The following RBM15B variants were observed in gnomAD, a reference collection of about 807,000 sequenced individuals.
RBM15B encodes RNA binding motif protein 15B.
Under a neutral mutation model 53.3 loss-of-function variants are expected in RBM15B, and 11 were observed. That is an observed-to-expected ratio of 0.21 (90% CI 0.13 to 0.34). RBM15B has a LOEUF of 0.34. Ranked by LOEUF, RBM15B falls within the 10% of genes least tolerant of loss-of-function variation. The pLI is 1.00. For missense variants in RBM15B, 1,136 were observed against 1,250.3 expected (o/e 0.91, Z 1.38); for synonymous variants, 631 against 540.7 (o/e 1.17, Z -2.32).
In RBM15B at chr3:51,393,456, G is replaced by T; in HGVS notation, c.2057G>T (p.Arg686Leu). ...GGGAAGAAGGCAAGAGACAGCGAGC[G>T]CAATCACCGGACCACAGAGGCCGAG... ...SHGKKARDSE[R>L]NHRTTEAEPK... The change falls in exon 1 of 1, where the codon CGC becomes CTC. Residue 686 changes from arginine (R) to leucine (L), a missense_variant. Coordinates refer to ENST00000563281, the MANE Select transcript of RBM15B (RefSeq NM_013286.5). This position sits in a 1 kb window ranked among gnomAD's most constrained non-coding sequence, Gnocchi z 5.6. 2 of 1,613,852 alleles carry T rather than the reference G, an allele frequency of 1.2e-6. No individual in the cohort carries two copies. The highest frequency in any genetic ancestry group is 2.2e-5 in the East Asian group (1 of 44,874).
At position 51,396,123 on chromosome 3, in the gene RBM15B, TCTC is replaced by T. The variant is rs2089186712; in HGVS notation, c.*2052_*2054del. The T allele has an allele frequency of 1.2e-5, 5 of 406,840 alleles. No homozygotes were observed. Among genetic ancestry groups the T allele is most frequent in the Non-Finnish European group, 1.8e-5 (4 of 222,544 alleles). 25.2% of individuals were successfully genotyped at this position (406,840 alleles called of 1,614,324 possible). A position where few individuals can be genotyped will look rare whatever the true frequency, so the allele number is the denominator to read the frequency against. On this transcript the variant is annotated 3_prime_UTR_variant, in exon 1 of 1. Transcript: ENST00000563281. Reference sequence around the variant, plus strand: ...GTATGTTGTTAAGTCCAAAACTTCTTCTCTGGGCTACCTATCTTCCTTCATGAA... The same window carrying T: ...GTATGTTGTTAAGTCCAAAACTTCTTTGGGCTACCTATCTTCCTTCATGAA...
At position 51,392,933 on chromosome 3, in the gene RBM15B, C is replaced by T. The variant is rs1553621848; in HGVS notation, c.1534C>T (p.Leu512=). 3.7e-6 allele frequency: 6 copies of T among 1,613,850 alleles called. No homozygotes were observed. The highest frequency in any genetic ancestry group is 2.2e-5 in the South Asian group (2 of 91,084). Residue 512 remains leucine, a synonymous_variant, in exon 1 of 1, where the codon CTG becomes TTG. Transcript: ENST00000563281. This position sits in a 1 kb window ranked among gnomAD's most constrained non-coding sequence, Gnocchi z 7.5. ...QPSPLPVHYE[L]LTDGYTRHRN... is the part of the protein sequence containing the mutation. Reference sequence around the variant, plus strand: ...CTCGCCACTCCCTGTGCATTATGAGCTGCTCACAGATGGATACACCCGGCA... The same window carrying T: ...CTCGCCACTCCCTGTGCATTATGAGTTGCTCACAGATGGATACACCCGGCA...
rs57831708 is a variant in RBM15B at position 51,395,416 on chromosome 3, C to T, written c.*1344C>T. The T allele has an allele frequency of 0.1, 18,473 of 181,046 alleles. 2,035 individuals carry two copies. The highest frequency in any genetic ancestry group is 0.33 in the East Asian group (2,047 of 6,214). The allele number at this position is 181,046 out of a possible 1,614,324, so 11.2% of individuals were successfully genotyped here. ...CTAGCTGGGAAGAAGGGTGAGATTC[C>T]GTCTTCTTCCCTGTCTCAAGTAAGT... On this transcript the variant is annotated 3_prime_UTR_variant, in exon 1 of 1. Transcript: ENST00000563281.
rs782481793 is a variant in RBM15B, at chr3:51,392,275, T to C, written c.876T>C (p.Ala292=). The C allele has an allele frequency of 1.6e-5, 26 of 1,603,856 alleles. No homozygotes were observed. Among genetic ancestry groups the C allele is most frequent in the Non-Finnish European group, 2.0e-5 (23 of 1,177,820 alleles). Residue 292 remains alanine (A), a synonymous_variant, in exon 1 of 1, where the codon GCT becomes GCC. Transcript: ENST00000563281. This position sits in a 1 kb window ranked among gnomAD's most constrained non-coding sequence, Gnocchi z 7.5. The stretch of plus-strand genomic sequence containing the variant: ...CAGCCTTCGCCCTGGATGCCGCTGC[T>C]GCCGCCGCCGTGGGACTGTCCCGGG... ...AAAAFALDAA[A]AAAVGLSRER...
At position 51,394,824 on chromosome 3, in the gene RBM15B, A is replaced by T; in HGVS notation, c.*752A>T. 1 of 167,126 alleles carries T rather than the reference A, an allele frequency of 6.0e-6. No individual in the cohort carries two copies. The highest frequency in any genetic ancestry group is 1.5e-5 in the Non-Finnish European group (1 of 68,154). The allele number at this position is 167,126 out of a possible 1,614,324, so 10.4% of individuals were successfully genotyped here. On this transcript the variant is annotated 3_prime_UTR_variant, in exon 1 of 1. Transcript: ENST00000563281. ...AGCTGTGTAGTCTTGTACAAGGAGA[A>T]GCTGTGCACTGTTGATGCCAGGGGG... is the stretch of plus-strand genomic sequence containing the variant.
At position 51,392,057 on chromosome 3, in the gene RBM15B, C is replaced by A; in HGVS notation, c.658C>A (p.Arg220Ser). 6.3e-7 allele frequency: 1 copy of A among 1,591,442 alleles called. No homozygotes were observed. The highest frequency in any genetic ancestry group is 8.5e-7 in the Non-Finnish European group (1 of 1,176,250). ...GCTCAAGGTAGAGCCCGTGTACCTG[C>A]GTGGCGGCGGCGGGAGCAGTCGGCG... ...RPLKVEPVYL[R>S]GGGGSSRRSS... is the part of the protein sequence containing the mutation. The change falls in exon 1 of 1, where the codon CGT (arginine) becomes AGT (serine). Residue 220 changes from arginine to serine, a missense_variant. Arg to Ser is a moderately radical substitution (Grantham distance 110). Coordinates refer to ENST00000563281, the MANE Select transcript of RBM15B (RefSeq NM_013286.5). This position sits in a 1 kb window ranked among gnomAD's most constrained non-coding sequence, Gnocchi z 7.5.
rs1354952651 is a variant in RBM15B at position 51,397,014 on chromosome 3, A to G, written c.*2942A>G. 1 of 167,092 alleles carries G rather than the reference A, an allele frequency of 6.0e-6. No homozygotes were observed. The highest frequency in any genetic ancestry group is 1.5e-5 in the Non-Finnish European group (1 of 68,124). 10.4% of individuals were successfully genotyped at this position (167,092 alleles called of 1,614,324 possible). On this transcript the variant is annotated 3_prime_UTR_variant, in exon 1 of 1. Coordinates refer to ENST00000563281, the MANE Select transcript of RBM15B (RefSeq NM_013286.5). ...GACACAGACCCACTTCAGTGTGTAC[A>G]GCAAATTCTATAGTGCTTCTGAGCC... is the stretch of plus-strand genomic sequence containing the variant.
chr3:51,393,979 C>A lies in RBM15B; in HGVS notation c.2580C>A (p.Asp860Glu). 1 of 1,513,588 alleles carries A rather than the reference C, an allele frequency of 6.6e-7. No homozygotes were observed. The highest frequency in any genetic ancestry group is 8.8e-7 in the Non-Finnish European group (1 of 1,131,712). The allele number at this position is 1,513,588 out of a possible 1,614,324, so 93.8% of individuals were successfully genotyped here. Residue 860 changes from aspartate to glutamate, a missense_variant, in exon 1 of 1, where the codon GAC becomes GAA. By Grantham distance (45) the Asp-to-Glu change is conservative. This residue lies in a region of RBM15B where 578 missense variants were observed against 581.6 expected (regional missense o/e 0.99). Coordinates refer to ENST00000563281, the MANE Select transcript of RBM15B (RefSeq NM_013286.5). The surrounding 1 kb of genome is among the most constrained non-coding windows in gnomAD (Gnocchi z 5.6). ...TGMLYAFPPC[D>E]FSQQYLQSAL... ...TGCTCTACGCCTTCCCACCCTGCGA[C>A]TTTTCCCAGCAGTACCTCCAGTCAG...
chr3:51,397,343 G>C lies in RBM15B; in HGVS notation c.*3271G>C, dbSNP rs146765417. On this transcript the variant is annotated 3_prime_UTR_variant, in exon 1 of 1. Coordinates refer to ENST00000563281, the MANE Select transcript of RBM15B (RefSeq NM_013286.5). ...TAGGCCAATTTTAGGGGCCTCTGAA[G>C]TATCTTTCTACAAACGCAGACAAGC... The C allele has an allele frequency of 1.8e-5, 3 of 167,080 alleles. No homozygotes were observed. Among genetic ancestry groups the C allele is most frequent in the Non-Finnish European group, 4.4e-5 (3 of 68,138 alleles). 10.3% of individuals were successfully genotyped at this position (167,080 alleles called of 1,614,324 possible).
Position 51,393,494 on chromosome 3 carries a change from G to A in RBM15B, c.2095G>A (p.Glu699Lys), listed in dbSNP as rs782573179. The A allele has an allele frequency of 3.7e-6, 6 of 1,614,086 alleles. No individual in the cohort carries two copies. The highest frequency in any genetic ancestry group is 5.1e-6 in the Non-Finnish European group (6 of 1,180,008). ...CACAGAGGCCGAGCCCAAGCCTCTGGAAGAGCCAAAACACGAGACCAAAAA... is the reference window on the plus strand; with the variant it reads ...CACAGAGGCCGAGCCCAAGCCTCTGAAAGAGCCAAAACACGAGACCAAAAA... ...RTTEAEPKPL[E>K]EPKHETKKLK... Residue 699 changes from glutamate (E) to lysine (K), a missense_variant, in exon 1 of 1, where the codon GAA (glutamate) becomes AAA (lysine). Physicochemically the swap from Glu to Lys is moderately conservative, Grantham distance 56. Around this residue, in one of 7 missense-constraint regions of RBM15B, gnomAD observed 578 missense variants for 581.6 expected, o/e 0.99. Coordinates refer to ENST00000563281, the MANE Select transcript of RBM15B (RefSeq NM_013286.5). This position sits in a 1 kb window ranked among gnomAD's most constrained non-coding sequence, Gnocchi z 5.6.
At position 51,393,467 on chromosome 3, in the gene RBM15B, A is replaced by G. The variant is rs782712843; in HGVS notation, c.2068A>G (p.Thr690Ala). ...KARDSERNHR[T>A]TEAEPKPLEE... ...AAGAGACAGCGAGCGCAATCACCGGACCACAGAGGCCGAGCCCAAGCCTCT... is the reference window on the plus strand; with the variant it reads ...AAGAGACAGCGAGCGCAATCACCGGGCCACAGAGGCCGAGCCCAAGCCTCT... The change falls in exon 1 of 1, where the codon ACC becomes GCC. Residue 690 changes from threonine (T) to alanine (A), a missense_variant. Thr to Ala is a moderately conservative substitution (Grantham distance 58). Transcript: ENST00000563281. This position sits in a 1 kb window ranked among gnomAD's most constrained non-coding sequence, Gnocchi z 5.6. 15 of 1,613,918 alleles carry G rather than the reference A, an allele frequency of 9.3e-6. No homozygotes were observed. The South Asian group carries it at 1.6e-4, about 18-fold the overall frequency.
chr3:51,396,504 T>G lies in RBM15B; in HGVS notation c.*2432T>G. 1 of 135,210 alleles carries G rather than the reference T, an allele frequency of 7.4e-6. No individual in the cohort carries two copies. 8.4% of individuals were successfully genotyped at this position (135,210 alleles called of 1,614,324 possible). ...TATGAGACTGCCCCACTGAGAAAAC[T>G]TACTTACTTCAGGCATCCAGTGCCC... On this transcript the variant is annotated 3_prime_UTR_variant, in exon 1 of 1. Transcript: ENST00000563281.
chr3:51,394,973 T>TA lies in RBM15B; in HGVS notation c.*902dup, dbSNP rs2089124070. The TA allele has an allele frequency of 6.0e-6, 1 of 167,124 alleles. No homozygotes were observed. Among genetic ancestry groups the TA allele is most frequent in the Middle Eastern group, 3.1e-3 (1 of 318 alleles). The allele number at this position is 167,124 out of a possible 1,614,324, so 10.4% of individuals were successfully genotyped here. On this transcript the variant is annotated 3_prime_UTR_variant, in exon 1 of 1. Coordinates refer to ENST00000563281, the MANE Select transcript of RBM15B (RefSeq NM_013286.5). ...GTTCCCAGGGGCCCGGGAGTCCAAA[T>TA]ACTGGAATGGAGGGTTGGAGGCAGC...
chr3:51,393,223 T>G lies in RBM15B; in HGVS notation c.1824T>G (p.His608Gln). 6.2e-7 allele frequency: 1 copy of G among 1,613,772 alleles called. No individual in the cohort carries two copies. The highest frequency in any genetic ancestry group is 8.5e-7 in the Non-Finnish European group (1 of 1,179,840). Residue 608 changes from histidine to glutamine, a missense_variant, in exon 1 of 1, where the codon CAT (histidine) becomes CAG (glutamine). Physicochemically the swap from His to Gln is conservative, Grantham distance 24. Around this residue, in one of 7 missense-constraint regions of RBM15B, gnomAD observed 578 missense variants for 581.6 expected, o/e 0.99. Coordinates refer to ENST00000563281, the MANE Select transcript of RBM15B (RefSeq NM_013286.5). This position sits in a 1 kb window ranked among gnomAD's most constrained non-coding sequence, Gnocchi z 5.6. ...CCAGTGACCGTGGGAGGACAACCCA[T>G]TCACCATATGAGGAACGGAGTAGGA... ...SLSSDRGRTT[H>Q]SPYEERSRTK...
In RBM15B at chr3:51,392,742, A is replaced by G; in HGVS notation, c.1343A>G (p.Asp448Gly). ...FDRFGSIRTIDHVKGDSFAYI... is the reference protein window; with the variant it reads ...FDRFGSIRTIGHVKGDSFAYI... Reference sequence around the variant, plus strand: ...CGCTTTGGGAGCATTCGGACCATTGATCACGTCAAAGGAGATAGCTTTGCC... The same window carrying G: ...CGCTTTGGGAGCATTCGGACCATTGGTCACGTCAAAGGAGATAGCTTTGCC... Residue 448 changes from aspartate to glycine, a missense_variant, in exon 1 of 1, where the codon GAT becomes GGT. Transcript: ENST00000563281. This position sits in a 1 kb window ranked among gnomAD's most constrained non-coding sequence, Gnocchi z 7.5. 6.2e-7 allele frequency: 1 copy of G among 1,614,152 alleles called. No individual in the cohort carries two copies. The highest frequency in any genetic ancestry group is 8.5e-7 in the Non-Finnish European group (1 of 1,180,030).
chr3:51,394,020 G>T lies in RBM15B; in HGVS notation c.2621G>T (p.Gly874Val). ...CTCCAGTCAGCACTAAGGACATTGGGCAAGCTAGAAGAAGAACACATGGTG... is the reference window on the plus strand; with the variant it reads ...CTCCAGTCAGCACTAAGGACATTGGTCAAGCTAGAAGAAGAACACATGGTG... ...QYLQSALRTL[G>V]KLEEEHMVIV... is the part of the protein sequence containing the mutation. The change falls in exon 1 of 1, where the codon GGC (glycine) becomes GTC (valine). Residue 874 changes from glycine to valine, a missense_variant. Gly to Val is a moderately radical substitution (Grantham distance 109, BLOSUM62 -3). This residue lies in a region of RBM15B where 578 missense variants were observed against 581.6 expected (regional missense o/e 0.99). Coordinates refer to ENST00000563281, the MANE Select transcript of RBM15B (RefSeq NM_013286.5). 5 of 1,488,834 alleles carry T rather than the reference G, an allele frequency of 3.4e-6. No individual in the cohort carries two copies. Among genetic ancestry groups the T allele is most frequent in the Non-Finnish European group, 4.5e-6 (5 of 1,118,984 alleles). 92.2% of individuals were successfully genotyped at this position (1,488,834 alleles called of 1,614,324 possible). A position where few individuals can be genotyped will look rare whatever the true frequency, so the allele number is the denominator to read the frequency against.
Position 51,391,780 on chromosome 3 carries a change from G to C in RBM15B, c.381G>C (p.Ala127=). ...PPPPPPGAEP[A]CPGSSAAAPE... is the part of the protein sequence containing the mutation. ...CGCCACCGCCTGGGGCCGAGCCCGC[G>C]TGTCCCGGCTCATCCGCGGCCGCGC... Residue 127 remains alanine, a synonymous_variant, in exon 1 of 1, where the codon GCG becomes GCC. Coordinates refer to ENST00000563281, the MANE Select transcript of RBM15B (RefSeq NM_013286.5). This position sits in a 1 kb window ranked among gnomAD's most constrained non-coding sequence, Gnocchi z 4.5. 2 of 1,585,774 alleles carry C rather than the reference G, an allele frequency of 1.3e-6. No homozygotes were observed. Among genetic ancestry groups the C allele is most frequent in the Non-Finnish European group, 1.7e-6 (2 of 1,174,252 alleles).
In RBM15B at chr3:51,391,289, C is replaced by G. The variant is rs1017178746; in HGVS notation, c.-111C>G. On this transcript the variant is annotated 5_prime_UTR_variant, in exon 1 of 1. Coordinates refer to ENST00000563281, the MANE Select transcript of RBM15B (RefSeq NM_013286.5). The surrounding 1 kb of genome is among the most constrained non-coding windows in gnomAD (Gnocchi z 4.5). ...CCCCGCCCCGCCGCCACCGCCGCGCCGAGTCCTTTTGTCCAAGATGGCGGC... is the reference window on the plus strand; with the variant it reads ...CCCCGCCCCGCCGCCACCGCCGCGCGGAGTCCTTTTGTCCAAGATGGCGGC... 7.5e-6 allele frequency: 7 copies of G among 930,804 alleles called. No homozygotes were observed. The highest frequency in any genetic ancestry group is 8.9e-5 in the East Asian group (2 of 22,354). The allele number at this position is 930,804 out of a possible 1,614,324, so 57.7% of individuals were successfully genotyped here. A position where few individuals can be genotyped will look rare whatever the true frequency, so the allele number is the denominator to read the frequency against.
In RBM15B at chr3:51,397,452, CAG is replaced by C. The variant is rs1271857522; in HGVS notation, c.*3384_*3385del. 6.0e-6 allele frequency: 1 copy of C among 167,114 alleles called. No homozygotes were observed. Among genetic ancestry groups the C allele is most frequent in the East Asian group, 1.9e-4 (1 of 5,198 alleles). The allele number at this position is 167,114 out of a possible 1,614,324, so 10.4% of individuals were successfully genotyped here. A position where few individuals can be genotyped will look rare whatever the true frequency, so the allele number is the denominator to read the frequency against. On this transcript the variant is annotated 3_prime_UTR_variant, in exon 1 of 1. Transcript: ENST00000563281. ...ACATTAGTGGCCGCTGCCCCAGCTA[CAG>C]AGACGGCCGAAATGCTTTCACTCCT...
Sources: gnomAD v4.1 joint callset for allele counts on GRCh38, gnomAD v4.1.1 for gene constraint, gnomAD v4.1.1 regional missense constraint, Gnocchi (gnomAD v3.1) non-coding constraint, MANE v1.5 for transcripts, NCBI Gene and HGNC (gene_info 2026-07-23, HGNC 2026-07-21) for gene names.